The following MSMB variants were observed in gnomAD, a reference collection of about 807,000 sequenced individuals.
The protein encoded by MSMB is microseminoprotein beta.
MSMB carries 10 observed loss-of-function variants against 10.5 expected under a neutral mutation model. The ratio of observed to expected loss-of-function variants is 0.95; its 90% CI spans 0.59 to 1.62. The LOEUF (loss-of-function observed/expected upper bound fraction) is 1.62, where lower values mean the gene tolerates loss of function less well. Ranked by LOEUF, MSMB falls within the 40% of genes most tolerant of loss-of-function variation. The pLI, the probability that MSMB is intolerant of heterozygous loss-of-function variation, is 0.00. For synonymous variants in MSMB, 43 were observed against 46.5 expected (o/e 0.93, Z 0.30); for missense variants, 126 against 137.4 (o/e 0.92, Z 0.42).
At position 46,044,574 on chromosome 10, in the gene MSMB, A is replaced by AG. The variant is rs1840845754; in HGVS notation, c.3+1660dup. ...CTGGGCGACAGAGAGACTCCGTCTC[A>AG]GAAAAAAAAAAAAAAAAAAAAAAAA... On this transcript the variant is annotated intron_variant, in intron 1 of 3. Transcript: ENST00000582163. 2.8e-5 allele frequency among the ~76,000 whole-genome samples: 3 copies of AG among 106,138 alleles called. No individual in the cohort carries two copies. In the Admixed American group the frequency reaches 3.1e-4, roughly 11 times the overall value. 69.6% of individuals were successfully genotyped at this position (106,138 alleles called of 152,430 possible).
intron 1 of MSMB, among the ~76,000 whole-genome samples, chr10:46,044,757 G>A (rs1324636955): frequency 1.3e-5 from 2 of 151,738 alleles, no homozygotes; most frequent in African/African-American, 4.8e-5. Flanking sequence ...TTAGAGACCA[G>A]CCTGGGCAAC....
intron 1 of MSMB, among the ~76,000 whole-genome samples, chr10:46,042,993 T>C (rs1475597635): frequency 3.9e-5 from 6 of 152,200 alleles, no homozygotes; most frequent in African/African-American, 1.4e-4. Flanking sequence ...TACATTCAGC[T>C]CAAGCCAGGA....
intron 3 of MSMB, among the ~76,000 whole-genome samples, chr10:46,035,196 G>A (rs1554927403): frequency 6.6e-6 from 1 of 152,134 alleles, no homozygotes; most frequent in African/African-American, 2.4e-5. Context: ...GTAAAATGGT[G>A]CAGCTGCTGT....
chr10:46,033,471 T>C lies in MSMB; in HGVS notation c.296A>G (p.Glu99Gly), dbSNP rs1392919719. 1.2e-6 allele frequency: 2 copies of C among 1,613,900 alleles called. No homozygotes were observed. Among genetic ancestry groups the C allele is most frequent in the East Asian group, 4.5e-5 (2 of 44,894 alleles). ...KKEDCKYIVV[E>G]KKDPKKTCSV... Reference sequence around the variant, plus strand: ...ACAGGTCTTTTTTGGGTCCTTCTTCTCCACCACGATATACTTGCAGTCCTC... The same window carrying C: ...ACAGGTCTTTTTTGGGTCCTTCTTCCCCACCACGATATACTTGCAGTCCTC... The change falls in exon 4 of 4, where the codon GAG (glutamate) becomes GGG (glycine). Residue 99 changes from glutamate (E) to glycine (G), a missense_variant. Transcript: ENST00000582163.
rs888219923 is a variant in MSMB at position 46,033,530 on chromosome 10, A to G, written c.237T>C (p.Tyr79=). 6.2e-6 allele frequency: 10 copies of G among 1,613,644 alleles called. No homozygotes were observed. The East Asian group carries it at 6.7e-5, about 11-fold the overall frequency. ...AGATTCTTTGGCAGTTGTCTTTGTC[A>G]TAACCCACAGGTGTAGAAACACTGT... ...CCTLVSTPVG[Y]DKDNCQRIFK... Residue 79 remains tyrosine, a synonymous_variant, in exon 4 of 4, where the codon TAT becomes TAC. Transcript: ENST00000582163.
intron 3 of MSMB, among the ~76,000 whole-genome samples, chr10:46,034,642 G>A (rs550013875): frequency 2.0e-4 from 30 of 151,454 alleles, no homozygotes; most frequent in African/African-American, 7.0e-4. Flanking sequence ...TGGCTAAACC[G>A]GTGAAACCCC....
intron 1 of MSMB, among the ~76,000 whole-genome samples, chr10:46,044,396 G>C (rs1416653377): frequency 6.6e-6 from 1 of 151,166 alleles, no homozygotes; most frequent in Non-Finnish European, 1.5e-5. Flanking sequence ...CTAACATGGT[G>C]AAACCCCGTC....
intron 1 of MSMB, among the ~76,000 whole-genome samples, chr10:46,045,676 T>G (rs1177870472): frequency 6.6e-6 from 1 of 152,166 alleles, no homozygotes; most frequent in East Asian, 1.9e-4. Context: ...TGATGCTCTG[T>G]TCTCACTGCA....
intron 3 of MSMB, among the ~76,000 whole-genome samples, chr10:46,034,803 C>T (rs1397972083): frequency 1.3e-5 from 2 of 148,340 alleles, no homozygotes; most frequent in East Asian, 2.0e-4. Flanking sequence ...CCATCCTGGG[C>T]GACAGAGCAA....
rs111919398 is a variant in MSMB at position 46,040,154 on chromosome 10, G to A, written c.4-63C>T. 24 of 1,415,996 alleles carry A rather than the reference G, an allele frequency of 1.7e-5. No homozygotes were observed. In the African/African-American group the frequency reaches 2.1e-4, roughly 12 times the overall value. 87.7% of individuals were successfully genotyped at this position (1,415,996 alleles called of 1,614,324 possible). A position where few individuals can be genotyped will look rare whatever the true frequency, so the allele number is the denominator to read the frequency against. On this transcript the variant is annotated intron_variant, in intron 1 of 3. Transcript: ENST00000582163. ...AATTCAAAGGATAATCCTTGACTGA[G>A]TGCTGTGTACCAGGATCTCGGCTGG...
At chr10:46,045,469 G>C (rs1018311628) in intron 1 of MSMB, among the ~76,000 whole-genome samples, 1 of 151,994 alleles carries the variant, frequency 6.6e-6, no homozygotes, top group East Asian at 1.9e-4. Flanking sequence ...GAAGGTCCAG[G>C]CTGCAGTGAA....
intron 3 of MSMB, 109 bp from the exon 4 acceptor site, chr10:46,033,660 C>G: frequency 6.6e-7 from 1 of 1,510,462 alleles, no homozygotes; most frequent in South Asian, 1.2e-5. Context: ...CTTAAGGGCA[C>G]CCTTTGGCTG....
chr10:46,039,536 A>C (rs4517463), intron 2 of MSMB, among the ~76,000 whole-genome samples: 18,735 of 152,214 alleles, frequency 0.12, 1,587 homozygotes, highest in Middle Eastern at 0.19. Context: ...CCCTAGAACA[A>C]TGAAATCAGT....
chr10:46,043,079 T>C (rs1840788724), intron 1 of MSMB, among the ~76,000 whole-genome samples: 1 of 152,022 alleles, frequency 6.6e-6, no homozygotes, highest in Non-Finnish European at 1.5e-5. Context: ...CCTAAACTTT[T>C]CCCCCCAAAA....
chr10:46,041,445 T>C (rs1221298298), intron 1 of MSMB, among the ~76,000 whole-genome samples: 7 of 152,176 alleles, frequency 4.6e-5, no homozygotes, highest in African/African-American at 1.7e-4. Flanking sequence ...TCTGTAAGAT[T>C]GCTAAAATTA....
intron 1 of MSMB, 98 bp downstream of exon 1, chr10:46,046,137 C>T (rs1840890912): frequency 8.0e-7 from 1 of 1,242,516 alleles, no homozygotes; most frequent in Non-Finnish European, 1.2e-6. Context: ...GTCACATTTA[C>T]CATTCAATGC....
chr10:46,037,889 T>C (rs905192797), intron 3 of MSMB, among the ~76,000 whole-genome samples: 2 of 152,220 alleles, frequency 1.3e-5, no homozygotes, highest in Non-Finnish European at 2.9e-5. Flanking sequence ...AACAGATGAA[T>C]GGAGATGCAA....
At chr10:46,036,194 G>A (rs1554927511) in intron 3 of MSMB, among the ~76,000 whole-genome samples, 1 of 152,162 alleles carries the variant, frequency 6.6e-6, no homozygotes, top group Non-Finnish European at 1.5e-5. Context: ...GCCTCTGCCT[G>A]GGCCCCCAGC....
At chr10:46,037,512 G>A (rs561016469) in intron 3 of MSMB, among the ~76,000 whole-genome samples, 22 of 152,324 alleles carry the variant, frequency 1.4e-4, no homozygotes, top group Admixed American at 3.9e-4. Context: ...TCTGTGTTCC[G>A]CCTGCTCAAG....
Sources: allele counts gnomAD v4.1 joint callset (sites outside exome capture counted in the v4.1 genomes callset), GRCh38; gene constraint gnomAD v4.1.1; transcripts MANE v1.5; gene names NCBI Gene and HGNC (gene_info 2026-07-23, HGNC 2026-07-21).